WDFY3: variants seen among roughly 807,000 people sequenced by gnomAD.
WDFY3 encodes the protein WD repeat and FYVE domain containing 3, also known as WD repeat and FYVE domain-containing protein 3.
A neutral mutation model predicts 409.6 loss-of-function variants in WDFY3; 66 were observed. The ratio of observed to expected loss-of-function variants is 0.16; its 90% CI spans 0.13 to 0.20. The LOEUF is 0.20. Ranked by LOEUF, WDFY3 falls within the 10% of genes least tolerant of loss-of-function variation. The pLI is 1.00. For synonymous variants in WDFY3, 1,521 were observed against 1,537.1 expected, an observed-to-expected ratio of 0.99 and a Z score of 0.25; for missense variants, 3,031 against 4,298.1, an observed-to-expected ratio of 0.71 and a Z score of 8.24.
Position 84,789,715 on chromosome 4 carries a change from C to T in WDFY3, c.3669+11G>A. 3 of 1,613,444 alleles carry T rather than the reference C, an allele frequency of 1.9e-6. No individual in the cohort carries two copies. Among genetic ancestry groups the T allele is most frequent in the Non-Finnish European group, 1.7e-6 (2 of 1,179,668 alleles). On this transcript the variant is annotated intron_variant, in intron 22 of 67. Transcript: ENST00000295888. Reference sequence around the variant, plus strand: ...TAAAACAGGTAGATTTACAAGTGCACATACACTTACCTTTACAGTGTTAAC... The same window carrying T: ...TAAAACAGGTAGATTTACAAGTGCATATACACTTACCTTTACAGTGTTAAC...
At chr4:84,907,267 C>A (rs766730305) in intron 2 of WDFY3, among the ~76,000 whole-genome samples, 33 of 152,108 alleles carry the variant, frequency 2.2e-4, no homozygotes, top group South Asian at 4.1e-4. Context: ...CACTTAGCAA[C>A]ACGTTTCTAA....
chr4:84,882,504 C>A (rs1003182211), intron 3 of WDFY3, among the ~76,000 whole-genome samples: 1 of 151,998 alleles, frequency 6.6e-6, no homozygotes, highest in African/African-American at 2.4e-5. Context: ...TTCCTCTATT[C>A]AAATTATTTT....
intron 67 of WDFY3, among the ~76,000 whole-genome samples, chr4:84,676,300 G>C (rs1247426564): frequency 6.6e-6 from 1 of 152,208 alleles, no homozygotes; most frequent in Non-Finnish European, 1.5e-5. Context: ...AGCATTGCAA[G>C]TTAAAACAAC....
At chr4:84,774,727 A>G in intron 29 of WDFY3, 93 bp downstream of exon 29, 1 of 1,282,958 alleles carries the variant, frequency 7.8e-7, no homozygotes, top group Non-Finnish European at 1.1e-6. Context: ...GTTATTACAC[A>G]GTCATAAAAA....
intron 44 of WDFY3, among the ~76,000 whole-genome samples, chr4:84,731,955 G>A (rs996507678): frequency 2.0e-5 from 3 of 152,214 alleles, no homozygotes; most frequent in African/African-American, 7.2e-5. Flanking sequence ...TTATCAAATT[G>A]CTAATGGCTT....
rs1010358627 is a variant in WDFY3, at chr4:84,690,012, A to C, written c.9363+494T>G. Among the ~76,000 whole-genome samples the C allele has an allele frequency of 9.2e-5, 14 of 152,354 alleles. No homozygotes were observed. In the South Asian group the frequency reaches 2.9e-3, roughly 32 times the overall value. On this transcript the variant is annotated intron_variant, in intron 61 of 67. Transcript: ENST00000295888. Reference sequence around the variant, plus strand: ...GTAAAAATTAATAATAGAATCATGTATGTAATAGACAATCAGAAATACTCG... The same window carrying C: ...GTAAAAATTAATAATAGAATCATGTCTGTAATAGACAATCAGAAATACTCG...
chr4:84,933,821 T>C (rs1033743280), intron 1 of WDFY3, among the ~76,000 whole-genome samples: 7 of 152,150 alleles, frequency 4.6e-5, no homozygotes, highest in Non-Finnish European at 8.8e-5. Context: ...CATAATGTCC[T>C]CCAGTTTCAT....
Position 84,826,897 on chromosome 4 carries a change from G to C in WDFY3, c.1041C>G (p.Val347=). ...TAATACCAGCTGGTTTTAGTTCACTGACACCATATGTTGTTAGGGAAGTTA... is the reference window on the plus strand; with the variant it reads ...TAATACCAGCTGGTTTTAGTTCACTCACACCATATGTTGTTAGGGAAGTTA... ...NLITSLTTYG[V]SELKPAGITT... Residue 347 remains valine, a synonymous_variant, in exon 10 of 68, where the codon GTC becomes GTG. Coordinates refer to ENST00000295888, the MANE Select transcript of WDFY3 (RefSeq NM_014991.6). The C allele has an allele frequency of 2.5e-6, 4 of 1,610,894 alleles. No individual in the cohort carries two copies. The highest frequency in any genetic ancestry group is 3.4e-6 in the Non-Finnish European group (4 of 1,179,206).
At chr4:84,749,418 G>T (rs1233641556) in intron 36 of WDFY3, among the ~76,000 whole-genome samples, 2 of 151,924 alleles carry the variant, frequency 1.3e-5, no homozygotes, top group African/African-American at 4.8e-5. Context: ...CTTCCTGTTT[G>T]GGAATTTCCA....
Position 84,778,622 on chromosome 4 carries a change from G to A in WDFY3, c.4399C>T (p.Leu1467Phe), listed in dbSNP as rs1745951900. The A allele has an allele frequency of 6.2e-7, 1 of 1,611,782 alleles. No homozygotes were observed. Among genetic ancestry groups the A allele is most frequent in the Non-Finnish European group, 8.5e-7 (1 of 1,179,394 alleles). The stretch of plus-strand genomic sequence containing the variant: ...AGATGGAGGATGTGGCTGTTAAGAA[G>A]GGAACGTTTCTTCTTAAGCAACATT... ...LAMLLKKKRS[L>F]LNSHILHLTF... is the part of the protein sequence containing the mutation. Residue 1467 changes from leucine to phenylalanine, a missense_variant, in exon 27 of 68, where the codon CTT (leucine) becomes TTT (phenylalanine). Leu to Phe is a conservative substitution (Grantham distance 22, BLOSUM62 0). This residue lies in a region of WDFY3 where 55 missense variants were observed against 124.1 expected (regional missense o/e 0.44). Transcript: ENST00000295888.
intron 4 of WDFY3, among the ~76,000 whole-genome samples, chr4:84,852,376 A>G (rs546736629): frequency 6.6e-6 from 1 of 152,326 alleles, no homozygotes; most frequent in South Asian, 2.1e-4. Flanking sequence ...AACCATGAAA[A>G]GCAAAACCAT....
At chr4:84,729,978 C>T (rs1024854885) in intron 44 of WDFY3, among the ~76,000 whole-genome samples, 1 of 151,968 alleles carries the variant, frequency 6.6e-6, no homozygotes, top group Admixed American at 6.6e-5. Flanking sequence ...GCAAGGAGGG[C>T]AATAAATTCA....
intron 21 of WDFY3, among the ~76,000 whole-genome samples, chr4:84,792,513 T>C (rs1191331244): frequency 6.6e-6 from 1 of 152,230 alleles, no homozygotes; most frequent in Non-Finnish European, 1.5e-5. Flanking sequence ...TTTCCAGCAC[T>C]GAGTGGTGTG....
intron 1 of WDFY3, among the ~76,000 whole-genome samples, chr4:84,936,153 T>C (rs1771375877): frequency 6.6e-6 from 1 of 152,188 alleles, no homozygotes; most frequent in Non-Finnish European, 1.5e-5. Flanking sequence ...TAGCTATATC[T>C]CCCTGGCCTA....
chr4:84,877,553 C>T (rs1331350883), intron 3 of WDFY3, among the ~76,000 whole-genome samples: 1 of 152,182 alleles, frequency 6.6e-6, no homozygotes, highest in Non-Finnish European at 1.5e-5. Context: ...CCCACCTTGG[C>T]TTCCCAAAGA....
chr4:84,800,020 C>T (rs1057206282), intron 17 of WDFY3, among the ~76,000 whole-genome samples: 3 of 152,176 alleles, frequency 2.0e-5, no homozygotes, highest in East Asian at 1.9e-4. Flanking sequence ...TTTAAAGTAG[C>T]AGATTACCAA....
chr4:84,841,339 G>A, intron 5 of WDFY3, 76 bp from the exon 6 acceptor site: 2 of 1,270,214 alleles, frequency 1.6e-6, no homozygotes, highest in South Asian at 1.3e-5. Context: ...AACCTACCAA[G>A]GAAATGAAAA....
chr4:84,963,103 T>C (rs1023799145), intron 1 of WDFY3, among the ~76,000 whole-genome samples: 1 of 149,412 alleles, frequency 6.7e-6, no homozygotes, highest in Non-Finnish European at 1.5e-5. Flanking sequence ...AGATTTAAAA[T>C]GTAAAAACAA....
At chr4:84,942,872 TA>T (rs1772323138) in intron 1 of WDFY3, among the ~76,000 whole-genome samples, 2 of 152,324 alleles carry the variant, frequency 1.3e-5, no homozygotes, top group African/African-American at 2.4e-5. Context: ...CTAACCTTTT[TA>T]TTTTTTTTTA....
Sources: gnomAD v4.1 joint callset for allele counts (sites outside exome capture counted in the v4.1 genomes callset) on GRCh38, gnomAD v4.1.1 for gene constraint, gnomAD v4.1.1 regional missense constraint, MANE v1.5 for transcripts, NCBI Gene and HGNC (gene_info 2026-07-23, HGNC 2026-07-21) for gene names.